Variants in PALLD observed in about 807,000 individuals in gnomAD.
PALLD encodes palladin.
PALLD carries 61 observed loss-of-function variants against 123.5 expected under a neutral mutation model. The ratio of observed to expected loss-of-function variants is 0.49; its 90% CI spans 0.40 to 0.61. The LOEUF is 0.61. PALLD is among the 20% of genes least tolerant of loss of function. The pLI is 0.00. For missense variants in PALLD, 1,273 were observed against 1,377.0 expected, an observed-to-expected ratio of 0.92 and a Z score of 1.20; for synonymous variants, 465 against 496.4, an observed-to-expected ratio of 0.94 and a Z score of 0.84.
intron 10 of PALLD, among the ~76,000 whole-genome samples, chr4:168,727,326 A>G (rs1299206206): frequency 1.3e-5 from 2 of 152,168 alleles, no homozygotes; most frequent in Admixed American, 1.3e-4. Context: ...GGGCTGAACT[A>G]ATTTACATTC....
chr4:168,805,036 A>G (rs1233703034), intron 10 of PALLD, among the ~76,000 whole-genome samples: 2 of 151,956 alleles, frequency 1.3e-5, no homozygotes, highest in African/African-American at 2.4e-5. Context: ...TCAGGTGCCT[A>G]TAATCCAGCT....
At chr4:168,923,930 CTAG>C (rs1762082171) in intron 18 of PALLD, among the ~76,000 whole-genome samples, 1 of 17,408 alleles carries the variant, frequency 5.7e-5, no homozygotes, top group East Asian at 0.25. Context: ...AACATAATCA[CTAG>C]TAGTGAAGCC....
Position 168,571,474 on chromosome 4 carries a change from C to CG in PALLD, c.908+59063dup, listed in dbSNP as rs1424419197. Among the ~76,000 whole-genome samples, 13 of 152,236 alleles carry CG rather than the reference C, an allele frequency of 8.5e-5. 1 individual carries two copies. Among genetic ancestry groups the CG allele is most frequent in the African/African-American group, 3.1e-4 (13 of 41,544 alleles). The stretch of plus-strand genomic sequence containing the variant: ...AATTCTTAGGTTAGCTTAATATTTA[C>CG]GTAACTTATCAACCATTCAATTAGA... On this transcript the variant is annotated intron_variant, in intron 2 of 21. Coordinates refer to ENST00000505667, the MANE Select transcript of PALLD (RefSeq NM_001166108.2).
intron 2 of PALLD, among the ~76,000 whole-genome samples, chr4:168,563,214 T>C (rs1365714807): frequency 6.6e-6 from 1 of 152,126 alleles, no homozygotes; most frequent in Non-Finnish European, 1.5e-5. Context: ...ACATGTTAAG[T>C]TGGAGATACC....
At chr4:168,581,911 T>C (rs180914737) in intron 2 of PALLD, among the ~76,000 whole-genome samples, 14 of 152,292 alleles carry the variant, frequency 9.2e-5, no homozygotes, top group African/African-American at 3.4e-4. Context: ...AAATCTTGAA[T>C]TCACTTTTAG....
chr4:168,572,348 C>T (rs145858633), intron 2 of PALLD, among the ~76,000 whole-genome samples: 24 of 152,106 alleles, frequency 1.6e-4, no homozygotes, highest in African/African-American at 4.3e-4. Context: ...TTGCCAGATA[C>T]GGAAACTAAG....
At chr4:168,532,557 T>C (rs1352715087) in intron 2 of PALLD, among the ~76,000 whole-genome samples, 1 of 152,114 alleles carries the variant, frequency 6.6e-6, no homozygotes, top group Non-Finnish European at 1.5e-5. Context: ...AATAATATTA[T>C]ATTGCTTTGG....
At position 168,703,712 on chromosome 4, in the gene PALLD, G is replaced by C. The variant is rs551593534; in HGVS notation, c.1502-5316G>C. Among the ~76,000 whole-genome samples the C allele has an allele frequency of 2.8e-3, 406 of 142,510 alleles. 1 individual carries two copies. The highest frequency in any genetic ancestry group is 0.01 in the African/African-American group (370 of 35,622). 93.5% of individuals were successfully genotyped at this position (142,510 alleles called of 152,430 possible). A position where few individuals can be genotyped will look rare whatever the true frequency, so the allele number is the denominator to read the frequency against. ...TTTGGCTGCATAAATGTCTTCTTTT[G>C]AGAAGTGTCTGTTCATATCCTTTGC... is the stretch of plus-strand genomic sequence containing the variant. On this transcript the variant is annotated intron_variant, in intron 8 of 21. Coordinates refer to ENST00000505667, the MANE Select transcript of PALLD (RefSeq NM_001166108.2).
intron 2 of PALLD, among the ~76,000 whole-genome samples, chr4:168,645,452 G>A (rs996717031): frequency 1.3e-5 from 2 of 152,082 alleles, no homozygotes; most frequent in East Asian, 1.9e-4. Context: ...CTTATCGGGC[G>A]GCAATATCAA....
At chr4:168,874,246 C>T (rs1024194827) in intron 10 of PALLD, among the ~76,000 whole-genome samples, 1 of 152,122 alleles carries the variant, frequency 6.6e-6, no homozygotes, top group Non-Finnish European at 1.5e-5. Context: ...TTGTCATGTA[C>T]CATTCTGCCA....
intron 10 of PALLD, among the ~76,000 whole-genome samples, chr4:168,872,641 C>A (rs551950003): frequency 6.6e-6 from 1 of 152,244 alleles, no homozygotes; most frequent in African/African-American, 2.4e-5. Context: ...TCCCATAAGC[C>A]CAGTGCAATA....
intron 3 of PALLD, among the ~76,000 whole-genome samples, chr4:168,677,188 T>C (rs1382684435): frequency 1.3e-5 from 2 of 151,978 alleles, no homozygotes; most frequent in African/African-American, 2.4e-5. Context: ...TTTTTTTTTT[T>C]TCTCCTGACC....
chr4:168,599,056 A>G (rs1016419918), intron 2 of PALLD, among the ~76,000 whole-genome samples: 1 of 152,176 alleles, frequency 6.6e-6, no homozygotes, highest in Non-Finnish European at 1.5e-5. Context: ...TTAAAATAAC[A>G]TATCCCAACT....
intron 3 of PALLD, among the ~76,000 whole-genome samples, chr4:168,674,253 T>C (rs11930576): frequency 0.52 from 78,821 of 151,972 alleles, 22,136 homozygotes; most frequent in African/African-American, 0.73. Context: ...TAGCTAGCCA[T>C]GTGGATGTGT....
chr4:168,586,177 A>AG (rs1491054779), intron 2 of PALLD, among the ~76,000 whole-genome samples: 8 of 138,708 alleles, frequency 5.8e-5, no homozygotes, highest in African/African-American at 2.2e-4. Flanking sequence ...AAAAAAAAAA[A>AG]AGGCTTTCTA....
intron 2 of PALLD, among the ~76,000 whole-genome samples, chr4:168,661,115 G>C (rs1779095883): frequency 6.6e-6 from 1 of 152,096 alleles, no homozygotes; most frequent in African/African-American, 2.4e-5. Context: ...ATGCTGGCCA[G>C]GCTGGTCTTG....
intron 10 of PALLD, among the ~76,000 whole-genome samples, chr4:168,786,942 G>A (rs370839780): frequency 1.3e-5 from 2 of 152,132 alleles, no homozygotes; most frequent in East Asian, 3.8e-4. Flanking sequence ...CCAATGGGAG[G>A]TTAACACTTG....
In PALLD at chr4:168,896,549, G is replaced by T; in HGVS notation, c.2200G>T (p.Asp734Tyr). 1.3e-6 allele frequency: 2 copies of T among 1,483,792 alleles called. No individual in the cohort carries two copies. Among genetic ancestry groups the T allele is most frequent in the Non-Finnish European group, 1.8e-6 (2 of 1,098,502 alleles). 91.9% of individuals were successfully genotyped at this position (1,483,792 alleles called of 1,614,324 possible). A position where few individuals can be genotyped will look rare whatever the true frequency, so the allele number is the denominator to read the frequency against. The change falls in exon 13 of 22, where the codon GAC becomes TAC. Residue 734 changes from aspartate (D) to tyrosine (Y), a missense_variant and splice_region_variant. Transcript: ENST00000505667. ...QEPEEETANQDIGSPHASVGS... is the reference protein window; with the variant it reads ...QEPEEETANQYIGSPHASVGS... ...CACATCTTTTTTTCTACCATTACAG[G>T]ACATTGGTTCTCCTCATGCTTCTGT...
chr4:168,566,568 G>A (rs1768411158), intron 2 of PALLD, among the ~76,000 whole-genome samples: 1 of 152,080 alleles, frequency 6.6e-6, no homozygotes, highest in African/African-American at 2.4e-5. Flanking sequence ...AAAATGCTGG[G>A]ATTACAGGGA....
Sources: gnomAD v4.1 joint callset for allele counts (sites outside exome capture counted in the v4.1 genomes callset) on GRCh38, gnomAD v4.1.1 for gene constraint, MANE v1.5 for transcripts, NCBI Gene and HGNC (gene_info 2026-07-23, HGNC 2026-07-21) for gene names.